PTPRQ: variants seen among roughly 807,000 people sequenced by gnomAD.
The protein encoded by PTPRQ is protein tyrosine phosphatase receptor type Q, also known as phosphatidylinositol phosphatase PTPRQ.
PTPRQ carries 199 observed loss-of-function variants against 246.0 expected under a neutral mutation model. The ratio of observed to expected loss-of-function variants is 0.81; its 90% CI spans 0.72 to 0.91. The LOEUF (loss-of-function observed/expected upper bound fraction) is 0.91. Among genes scored for constraint, PTPRQ ranks in the 40% least tolerant of loss-of-function variants. The pLI is 0.00. For missense variants in PTPRQ, 2,624 were observed against 2,528.4 expected (o/e 1.04, Z -0.81); for synonymous variants, 869 against 853.2 (o/e 1.02, Z -0.32).
intron 8 of PTPRQ, among the ~76,000 whole-genome samples, chr12:80,478,268 A>C (rs1893894265): frequency 6.6e-6 from 1 of 151,812 alleles, no homozygotes; most frequent in African/African-American, 2.4e-5. Context: ...CAGCAGGGGC[A>C]CACTGACACC....
At chr12:80,504,063 G>T (rs1202985698) in intron 14 of PTPRQ, among the ~76,000 whole-genome samples, 2 of 151,414 alleles carry the variant, frequency 1.3e-5, no homozygotes, top group African/African-American at 4.8e-5. Flanking sequence ...TATTTGATCT[G>T]ATGTTTGATG....
chr12:80,444,823 C>G lies in PTPRQ; in HGVS notation c.137C>G (p.Thr46Ser). Residue 46 changes from threonine to serine, a missense_variant, in exon 2 of 45, where the codon ACT becomes AGT. Physicochemically the swap from Thr to Ser is moderately conservative, Grantham distance 58. Coordinates refer to ENST00000644991, the MANE Select transcript of PTPRQ (RefSeq NM_001145026.2). The part of the protein sequence containing the change: ...SISTTYTSPV[T>S]RIVTTNVTKP... ...TCTACAACATACACCTCACCTGTTA[C>G]TAGAATAGTGACAACAAATGTAACA... is the stretch of plus-strand genomic sequence containing the variant. 1 of 1,534,348 alleles carries G rather than the reference C, an allele frequency of 6.5e-7. No homozygotes were observed. The highest frequency in any genetic ancestry group is 8.8e-7 in the Non-Finnish European group (1 of 1,135,994).
At chr12:80,484,856 G>A (rs956779793) in intron 9 of PTPRQ, among the ~76,000 whole-genome samples, 1 of 152,032 alleles carries the variant, frequency 6.6e-6, no homozygotes, top group African/African-American at 2.4e-5. Flanking sequence ...AGGACTAAAG[G>A]TATTTTCATA....
chr12:80,542,009 A>G, intron 21 of PTPRQ, 80 bp from the exon 22 acceptor site: 1 of 1,492,426 alleles, frequency 6.7e-7, no homozygotes, highest in Non-Finnish European at 8.9e-7. Flanking sequence ...TAAGAAAATC[A>G]AATCCCATTA....
intron 17 of PTPRQ, among the ~76,000 whole-genome samples, chr12:80,518,170 GC>G (rs1343442417): frequency 6.6e-6 from 1 of 152,118 alleles, no homozygotes; most frequent in East Asian, 1.9e-4. Flanking sequence ...TTGGAGAAGA[GC>G]TATTTTAACT....
chr12:80,504,156 A>T (rs1894884872), intron 14 of PTPRQ, among the ~76,000 whole-genome samples: 1 of 151,686 alleles, frequency 6.6e-6, no homozygotes, highest in African/African-American at 2.4e-5. Flanking sequence ...CCCCCTCCGG[A>T]TATCATCTAT....
At chr12:80,605,300 T>C in intron 27 of PTPRQ, 120 bp downstream of exon 27, 1 of 1,272,552 alleles carries the variant, frequency 7.9e-7, no homozygotes, top group African/African-American at 1.5e-5. Context: ...ATTACTTTAC[T>C]TGTTTGTGTT....
intron 8 of PTPRQ, among the ~76,000 whole-genome samples, chr12:80,483,705 G>T (rs1374676258): frequency 7.5e-6 from 1 of 133,412 alleles, no homozygotes; most frequent in Non-Finnish European, 1.5e-5. Context: ...ATCTACATTA[G>T]GTACTTCTCC....
intron 38 of PTPRQ, among the ~76,000 whole-genome samples, chr12:80,654,124 T>C: frequency 6.6e-6 from 1 of 152,048 alleles, no homozygotes; most frequent in East Asian, 1.9e-4. Context: ...TTTTGGACTT[T>C]TGATCTTGTT....
chr12:80,522,812 A>G (rs987030679), intron 17 of PTPRQ, among the ~76,000 whole-genome samples: 1 of 151,986 alleles, frequency 6.6e-6, no homozygotes, highest in African/African-American at 2.4e-5. Context: ...AGGGATATTC[A>G]TGTAAAATTC....
chr12:80,446,226 G>GTT (rs530783702), intron 3 of PTPRQ, among the ~76,000 whole-genome samples: 25,679 of 142,628 alleles, frequency 0.18, 2,472 homozygotes, highest in Non-Finnish European at 0.23. Context: ...GGGAGCTCAA[G>GTT]TTTTTTTTTT....
chr12:80,575,638 G>A (rs369644266), intron 25 of PTPRQ, among the ~76,000 whole-genome samples: 4 of 151,558 alleles, frequency 2.6e-5, no homozygotes, highest in Admixed American at 6.6e-5. Flanking sequence ...TCAGGATTTC[G>A]AGACCAGCCT....
intron 32 of PTPRQ, among the ~76,000 whole-genome samples, chr12:80,621,829 A>G (rs7971749): frequency 0.031 from 4,714 of 152,070 alleles, 109 homozygotes; most frequent in Middle Eastern, 0.058. Context: ...GAGTTTACCA[A>G]ATTTTTAGCC....
chr12:80,466,753 T>G (rs1371031334), intron 6 of PTPRQ, among the ~76,000 whole-genome samples: 21 of 152,036 alleles, frequency 1.4e-4, no homozygotes, highest in East Asian at 3.9e-4. Context: ...ACAAGCAATG[T>G]GGAAAGGATT....
chr12:80,520,395 A>C (rs563869536), intron 17 of PTPRQ, among the ~76,000 whole-genome samples: 1 of 152,296 alleles, frequency 6.6e-6, no homozygotes, highest in Admixed American at 6.5e-5. Flanking sequence ...GTTTTAGGGT[A>C]CATGTGCACA....
chr12:80,635,671 T>A (rs1899619853), intron 35 of PTPRQ, among the ~76,000 whole-genome samples: 1 of 152,068 alleles, frequency 6.6e-6, no homozygotes, highest in Non-Finnish European at 1.5e-5. Flanking sequence ...AAGTACATAA[T>A]TTTAAAGAAA....
chr12:80,667,758 A>G (rs1271877369), intron 39 of PTPRQ, among the ~76,000 whole-genome samples: 1 of 151,958 alleles, frequency 6.6e-6, no homozygotes, highest in Non-Finnish European at 1.5e-5. Flanking sequence ...ACTTTCTATT[A>G]TGTATTTTTC....
At chr12:80,624,361 C>T (rs569890381) in intron 33 of PTPRQ, among the ~76,000 whole-genome samples, 3 of 152,248 alleles carry the variant, frequency 2.0e-5, no homozygotes, top group Admixed American at 6.5e-5. Flanking sequence ...TGATGACAGT[C>T]TTTTAGGTTG....
intron 14 of PTPRQ, among the ~76,000 whole-genome samples, chr12:80,502,707 C>T (rs1894839497): frequency 6.6e-6 from 1 of 151,698 alleles, no homozygotes; most frequent in African/African-American, 2.4e-5. Flanking sequence ...TTGTTGGATT[C>T]AAAGTACAAG....
Sources: allele counts gnomAD v4.1 joint callset (sites outside exome capture counted in the v4.1 genomes callset), GRCh38; gene constraint gnomAD v4.1.1; transcripts MANE v1.5; gene names NCBI Gene and HGNC (gene_info 2026-07-23, HGNC 2026-07-21).